The following ADAMTSL1 variants were observed in gnomAD, a reference collection of about 807,000 sequenced individuals.
ADAMTSL1 encodes the protein ADAMTS-like protein 1.
Under a neutral mutation model 201.8 loss-of-function variants are expected in ADAMTSL1, and 126 were observed. That is an observed-to-expected ratio of 0.62 (90% CI 0.54 to 0.72). ADAMTSL1 has a LOEUF of 0.72. ADAMTSL1 is among the 30% of genes least tolerant of loss of function. The probability of loss-of-function intolerance (pLI) is 0.00; values close to 1 mark genes in which losing one functional copy is unlikely to be tolerated. For synonymous variants in ADAMTSL1, 1,121 were observed against 903.4 expected (o/e 1.24, Z -4.32); for missense variants, 2,679 against 2,277.8 (o/e 1.18, Z -3.59).
At chr9:18,454,104 T>G (rs1259017677) in intron 2 of ADAMTSL1, among the ~76,000 whole-genome samples, 1 of 152,168 alleles carries the variant, frequency 6.6e-6, no homozygotes. Flanking sequence ...GCAGGCCATC[T>G]CTAAGCTGGA....
At chr9:18,817,084 A>G in intron 20 of ADAMTSL1, 25 bp from the exon 21 acceptor site, 1 of 1,606,268 alleles carries the variant, frequency 6.2e-7, no homozygotes, top group Non-Finnish European at 8.5e-7. Flanking sequence ...ACCAAGTAAC[A>G]TCTCATATTC....
At chr9:18,674,446 A>T (rs893759344) in intron 9 of ADAMTSL1, among the ~76,000 whole-genome samples, 1 of 151,862 alleles carries the variant, frequency 6.6e-6, no homozygotes, top group African/African-American at 2.4e-5. Flanking sequence ...TTCTTCAGAA[A>T]CTATGCAGGC....
intron 26 of ADAMTSL1, among the ~76,000 whole-genome samples, chr9:18,899,337 A>T (rs940560631): frequency 5.3e-5 from 8 of 152,260 alleles, no homozygotes; most frequent in African/African-American, 1.9e-4. Flanking sequence ...GCTCATTGAT[A>T]GGAAAAATCA....
chr9:18,330,162 C>A (rs1358130070), intron 2 of ADAMTSL1, among the ~76,000 whole-genome samples: 1 of 152,082 alleles, frequency 6.6e-6, no homozygotes, highest in Non-Finnish European at 1.5e-5. Context: ...AATGTTGATA[C>A]CTGGAGCTAT....
chr9:18,471,522 C>G (rs1821213365), upstream of ADAMTSL1, among the ~76,000 whole-genome samples: 1 of 152,216 alleles, frequency 6.6e-6, no homozygotes, highest in African/African-American at 2.4e-5. Context: ...TTTTGGCCAT[C>G]ATCAAAATTA....
intron 2 of ADAMTSL1, among the ~76,000 whole-genome samples, chr9:18,184,667 A>C (rs1440999226): frequency 6.6e-6 from 1 of 152,250 alleles, no homozygotes; most frequent in Non-Finnish European, 1.5e-5. Flanking sequence ...CTGAATAACA[A>C]ACTCGTCTCA....
intron 1 of ADAMTSL1, among the ~76,000 whole-genome samples, chr9:18,098,885 T>G (rs1221809653): frequency 6.6e-6 from 1 of 152,174 alleles, no homozygotes; most frequent in Non-Finnish European, 1.5e-5. Flanking sequence ...AATTGAGAAA[T>G]GTCCTTAAAC....
At chr9:18,317,338 T>C (rs1834443569) in intron 2 of ADAMTSL1, among the ~76,000 whole-genome samples, 1 of 151,918 alleles carries the variant, frequency 6.6e-6, no homozygotes, top group South Asian at 2.1e-4. Flanking sequence ...CTTTTATTAA[T>C]AATACTGTAT....
chr9:18,036,908 A>G (rs1003469264), intron 1 of ADAMTSL1, among the ~76,000 whole-genome samples: 23 of 152,264 alleles, frequency 1.5e-4, no homozygotes, highest in South Asian at 4.1e-4. Flanking sequence ...GCCTAGAGGA[A>G]CACCCTACCC....
intron 1 of ADAMTSL1, among the ~76,000 whole-genome samples, chr9:18,482,816 C>T (rs1821795295): frequency 6.6e-6 from 1 of 152,148 alleles, no homozygotes; most frequent in South Asian, 2.1e-4. Flanking sequence ...TCCTACTGTT[C>T]AGGTGTGCTT....
chr9:18,245,749 T>C (rs1831238636), intron 2 of ADAMTSL1, among the ~76,000 whole-genome samples: 1 of 151,666 alleles, frequency 6.6e-6, no homozygotes. Flanking sequence ...AGCAAAGGAA[T>C]CTGGTCTAAA....
At chr9:18,016,998 A>T (rs1483571144) in intron 1 of ADAMTSL1, among the ~76,000 whole-genome samples, 1 of 152,032 alleles carries the variant, frequency 6.6e-6, no homozygotes, top group Admixed American at 6.6e-5. Context: ...CCCTTATTAC[A>T]TCCTCCCACA....
intron 2 of ADAMTSL1, among the ~76,000 whole-genome samples, chr9:18,311,720 T>G (rs1834164935): frequency 6.6e-6 from 1 of 152,218 alleles, no homozygotes; most frequent in African/African-American, 2.4e-5. Context: ...TGTGTCATAT[T>G]GACAAGGAGG....
At position 18,335,143 on chromosome 9, in the gene ADAMTSL1, A is replaced by G. The variant is rs189867209; in HGVS notation, c.208-169686A>G. The stretch of plus-strand genomic sequence containing the variant: ...TGGTGATAACAGATCTTTGATAAAG[A>G]TATGTCCTTCTTTCCAAGGGGCTCC... On this transcript the variant is annotated intron_variant, in intron 2 of 29. Coordinates refer to the ADAMTSL1 transcript ENST00000680146. 4.5e-3 allele frequency among the ~76,000 whole-genome samples: 679 copies of G among 152,292 alleles called. 6 individuals carry two copies. The highest frequency in any genetic ancestry group is 7.2e-3 in the Admixed American group (110 of 15,296).
intron 2 of ADAMTSL1, among the ~76,000 whole-genome samples, chr9:18,240,621 G>C (rs1260616402): frequency 6.6e-6 from 1 of 152,182 alleles, no homozygotes; most frequent in Non-Finnish European, 1.5e-5. Flanking sequence ...GAAAGGCCTA[G>C]ATGGCATCTT....
At position 18,138,410 on chromosome 9, in the gene ADAMTSL1, A is replaced by G. The variant is rs947573287; in HGVS notation, c.88-25452A>G. ...TAAGGATTTTAAGGCAGAGTATGCT[A>G]CTTTTAGGGAGTAACGAACTTGAGG... On this transcript the variant is annotated intron_variant, in intron 1 of 29. Coordinates refer to the ADAMTSL1 transcript ENST00000680146. Among the ~76,000 whole-genome samples, 3 of 152,104 alleles carry G rather than the reference A, an allele frequency of 2.0e-5. No individual in the cohort carries two copies. The East Asian group carries it at 5.8e-4, about 29-fold the overall frequency.
At chr9:18,387,597 T>C (rs1427587500) in intron 2 of ADAMTSL1, among the ~76,000 whole-genome samples, 1 of 152,226 alleles carries the variant, frequency 6.6e-6, no homozygotes, top group Non-Finnish European at 1.5e-5. Flanking sequence ...ATCATGTTTT[T>C]GAGATTTATC....
chr9:17,995,044 G>A (rs1056253467), intron 1 of ADAMTSL1, among the ~76,000 whole-genome samples: 1 of 152,108 alleles, frequency 6.6e-6, no homozygotes, highest in South Asian at 2.1e-4. Context: ...CAGTCAGAAC[G>A]TGTGGCTTAG....
intron 1 of ADAMTSL1, among the ~76,000 whole-genome samples, chr9:17,964,179 A>C (rs1363670342): frequency 6.6e-6 from 1 of 152,150 alleles, no homozygotes; most frequent in Non-Finnish European, 1.5e-5. Flanking sequence ...TGGGTAGTAA[A>C]AATATTTCCT....
Sources: gnomAD v4.1 joint callset for allele counts (sites outside exome capture counted in the v4.1 genomes callset) on GRCh38, gnomAD v4.1.1 for gene constraint, MANE v1.5 for transcripts, NCBI Gene and HGNC (gene_info 2026-07-23, HGNC 2026-07-21) for gene names.